NR3C2: variants seen among roughly 807,000 people sequenced by gnomAD.
NR3C2 encodes nuclear receptor subfamily 3 group C member 2.
Under a neutral mutation model 86.4 loss-of-function variants are expected in NR3C2, and 15 were observed. The observed-to-expected ratio is 0.17, with a 90% CI of 0.12 to 0.27. NR3C2 has a LOEUF of 0.27. Among genes scored for constraint, NR3C2 ranks in the 10% least tolerant of loss-of-function variants. NR3C2 has a pLI of 1.00. For missense variants in NR3C2, 960 were observed against 1,195.6 expected (o/e 0.80, Z 2.91); for synonymous variants, 458 against 450.5 (o/e 1.02, Z -0.21).
At chr4:148,317,367 G>C (rs1016666892) in intron 2 of NR3C2, among the ~76,000 whole-genome samples, 74 of 144,056 alleles carry the variant, frequency 5.1e-4, no homozygotes, top group African/African-American at 1.8e-3. Flanking sequence ...AAAAAAAAAA[G>C]AAAAAAAGAA....
intron 2 of NR3C2, among the ~76,000 whole-genome samples, chr4:148,294,823 TA>T (rs987056994): frequency 6.7e-6 from 1 of 150,178 alleles, no homozygotes; most frequent in South Asian, 2.1e-4. Context: ...CAAAAAAAAA[TA>T]AAAAAAATAA....
chr4:148,150,625 T>C lies in NR3C2; in HGVS notation c.2510+1844A>G, dbSNP rs192836555. Among the ~76,000 whole-genome samples the C allele has an allele frequency of 7.2e-5, 11 of 152,012 alleles. No individual in the cohort carries two copies. In the East Asian group the frequency reaches 2.1e-3, roughly 29 times the overall value. On this transcript the variant is annotated intron_variant, in intron 6 of 8. Coordinates refer to ENST00000358102, the MANE Select transcript of NR3C2 (RefSeq NM_000901.5). ...TGAGAGCTGAAACAAGATGGCGGAG[T>C]GGTCCCTTGTGTGAGCTCAGCTGCA...
intron 8 of NR3C2, among the ~76,000 whole-genome samples, chr4:148,093,699 C>G (rs1330284707): frequency 6.6e-6 from 1 of 152,126 alleles, no homozygotes; most frequent in Non-Finnish European, 1.5e-5. Context: ...TTTATAAAGT[C>G]CAGGTGTTCC....
chr4:148,297,924 C>T (rs934802750), intron 2 of NR3C2, among the ~76,000 whole-genome samples: 8 of 151,096 alleles, frequency 5.3e-5, no homozygotes, highest in Non-Finnish European at 1.0e-4. Context: ...TATACATCTA[C>T]TAAGATGGAC....
chr4:148,275,429 C>A (rs1740910208), intron 2 of NR3C2, among the ~76,000 whole-genome samples: 1 of 151,660 alleles, frequency 6.6e-6, no homozygotes, highest in South Asian at 2.1e-4. Flanking sequence ...CCAATCTTAT[C>A]TTATCTTTTT....
intron 6 of NR3C2, among the ~76,000 whole-genome samples, chr4:148,134,958 C>T (rs1022821438): frequency 1.3e-5 from 2 of 151,860 alleles, no homozygotes; most frequent in Admixed American, 6.6e-5. Context: ...ATGCTCAACC[C>T]TCCCTGGGAT....
intron 4 of NR3C2, among the ~76,000 whole-genome samples, chr4:148,168,512 T>C (rs1734982268): frequency 6.6e-6 from 1 of 152,262 alleles, no homozygotes; most frequent in African/African-American, 2.4e-5. Context: ...TTCAGTGGCC[T>C]GTTAGCGGTG....
chr4:148,367,115 G>A (rs114278650), intron 2 of NR3C2, among the ~76,000 whole-genome samples: 1,587 of 152,260 alleles, frequency 0.01, 25 homozygotes, highest in African/African-American at 0.036. Flanking sequence ...AAGTGTTCAT[G>A]TCATCTGAAA....
chr4:148,190,482 C>A (rs558826140), intron 4 of NR3C2, among the ~76,000 whole-genome samples: 4 of 152,104 alleles, frequency 2.6e-5, no homozygotes, highest in East Asian at 3.8e-4. Context: ...AAGTTCCATG[C>A]GCTGTTGAAT....
At chr4:148,150,985 C>G (rs1429493691) in intron 6 of NR3C2, among the ~76,000 whole-genome samples, 2 of 151,852 alleles carry the variant, frequency 1.3e-5, no homozygotes, top group Non-Finnish European at 2.9e-5. Context: ...CTAGAGGTTA[C>G]CAGAGGCTTA....
intron 2 of NR3C2, among the ~76,000 whole-genome samples, chr4:148,278,208 A>T (rs1181436332): frequency 1.3e-5 from 2 of 151,990 alleles, no homozygotes; most frequent in Admixed American, 6.6e-5. Flanking sequence ...CCCAGGTTCA[A>T]GAGATTTTCA....
chr4:148,408,971 C>T (rs1029493177), intron 2 of NR3C2, among the ~76,000 whole-genome samples: 1 of 152,018 alleles, frequency 6.6e-6, no homozygotes, highest in Non-Finnish European at 1.5e-5. Flanking sequence ...TAGCAACATA[C>T]CAAACTTTGT....
rs185899387 is a variant in NR3C2, at chr4:148,327,265, T to C, written c.1758-67148A>G. Among the ~76,000 whole-genome samples the C allele has an allele frequency of 4.9e-4, 74 of 152,312 alleles. 1 individual carries two copies. Among genetic ancestry groups the C allele is most frequent in the Non-Finnish European group, 9.4e-4 (64 of 68,024 alleles). ...ATTTGTCTGGAAAAAAAGAAACCTA[T>C]ATTATGTTCTTATTGACAGAAAGAA... On this transcript the variant is annotated intron_variant, in intron 2 of 8. Coordinates refer to ENST00000358102, the MANE Select transcript of NR3C2 (RefSeq NM_000901.5).
intron 3 of NR3C2, among the ~76,000 whole-genome samples, chr4:148,232,142 TG>T (rs1579045491): frequency 6.6e-6 from 1 of 152,244 alleles, no homozygotes; most frequent in Non-Finnish European, 1.5e-5. Flanking sequence ...GAATCGTTTA[TG>T]TTTTGGATTG....
At chr4:148,424,360 A>C (rs1362427285) in intron 2 of NR3C2, among the ~76,000 whole-genome samples, 2 of 152,202 alleles carry the variant, frequency 1.3e-5, no homozygotes, top group Non-Finnish European at 2.9e-5. Flanking sequence ...TGGTACAAAC[A>C]CTTTGTAAAA....
chr4:148,284,440 T>C (rs1292600685), intron 2 of NR3C2, among the ~76,000 whole-genome samples: 1 of 152,202 alleles, frequency 6.6e-6, no homozygotes, highest in Non-Finnish European at 1.5e-5. Context: ...CGATAGCTCA[T>C]GACAGTGTCA....
intron 4 of NR3C2, among the ~76,000 whole-genome samples, chr4:148,174,860 C>T (rs1470308027): frequency 2.0e-5 from 3 of 152,146 alleles, no homozygotes; most frequent in South Asian, 2.1e-4. Context: ...TCCTCTCCAA[C>T]GATATCGGAC....
At chr4:148,376,302 A>T (rs1318213222) in intron 2 of NR3C2, among the ~76,000 whole-genome samples, 2 of 151,984 alleles carry the variant, frequency 1.3e-5, no homozygotes, top group Non-Finnish European at 2.9e-5. Flanking sequence ...TACAGTATTT[A>T]AAAAAAAGAA....
At chr4:148,180,691 A>C (rs1407860371) in intron 4 of NR3C2, among the ~76,000 whole-genome samples, 1 of 152,186 alleles carries the variant, frequency 6.6e-6, no homozygotes, top group African/African-American at 2.4e-5. Flanking sequence ...GTAATCACAG[A>C]GTAAGTGACC....
Sources: gnomAD v4.1 joint callset for allele counts (sites outside exome capture counted in the v4.1 genomes callset) on GRCh38, gnomAD v4.1.1 for gene constraint, MANE v1.5 for transcripts, NCBI Gene and HGNC (gene_info 2026-07-23, HGNC 2026-07-21) for gene names.